Variants in NXPE4 observed in about 807,000 individuals in gnomAD.
NXPE4 encodes the protein neurexophilin and PC-esterase domain family member 4, also known as NXPE family member 4.
Under a neutral mutation model 33.3 loss-of-function variants are expected in NXPE4, and 42 were observed. The ratio of observed to expected loss-of-function variants is 1.26; its 90% CI spans 0.98 to 1.63. NXPE4 has a LOEUF of 1.63. Ranked by LOEUF, NXPE4 falls within the 40% of genes most tolerant of loss-of-function variation. The pLI is 0.00. For synonymous variants in NXPE4, 253 were observed against 234.9 expected (o/e 1.08, Z -0.71); for missense variants, 709 against 647.6 (o/e 1.09, Z -1.03).
At chr11:114,671,333 G>A in the NXPE4 span, among the ~76,000 whole-genome samples, 1 of 35,220 alleles carries the variant, frequency 2.8e-5, no homozygotes, top group Admixed American at 4.4e-4. Flanking sequence ...ATGTAATAGA[G>A]GAATTAGGAG....
chr11:114,648,925 TATG>T, the NXPE4 span, among the ~76,000 whole-genome samples: 12 of 143,948 alleles, frequency 8.3e-5, no homozygotes, highest in African/African-American at 2.3e-4. Flanking sequence ...TCTTATGTTA[TATG>T]ATAAGGGGAT....
At chr11:114,600,044 A>G (rs1356331003), upstream of NXPE4, among the ~76,000 whole-genome samples, 1 of 152,224 alleles carries the variant, frequency 6.6e-6, no homozygotes. Context: ...AAGTGAAGGA[A>G]ATACAAAGTG....
intron 1 of NXPE4, 65 bp from the exon 2 acceptor site, chr11:114,594,834 G>C (rs1397162834): frequency 1.2e-6 from 1 of 863,952 alleles, no homozygotes; most frequent in Non-Finnish European, 1.8e-6. Flanking sequence ...AAACAAACAT[G>C]GGAAACATTT....
rs1785426033 is a variant in NXPE4 at position 114,570,685 on chromosome 11, T to C, written c.*253A>G. On this transcript the variant is annotated 3_prime_UTR_variant, in exon 6 of 6. Transcript: ENST00000375478. Reference sequence around the variant, plus strand: ...TACCCATAGGTGTCTTGACTTCCCATTGGTGAAGAGGGGTATGGCTCTGAT... The same window carrying C: ...TACCCATAGGTGTCTTGACTTCCCACTGGTGAAGAGGGGTATGGCTCTGAT... 1 of 286,968 alleles carries C rather than the reference T, an allele frequency of 3.5e-6. No individual in the cohort carries two copies. The highest frequency in any genetic ancestry group is 6.4e-6 in the Non-Finnish European group (1 of 156,176). The allele number at this position is 286,968 out of a possible 1,614,324, so 17.8% of individuals were successfully genotyped here.
chr11:114,635,454 A>T, the NXPE4 span, among the ~76,000 whole-genome samples: 1 of 151,614 alleles, frequency 6.6e-6, no homozygotes, highest in Non-Finnish European at 1.5e-5. Context: ...AATACCCTTT[A>T]TTTCCTTCTC....
chr11:114,646,874 C>A, the NXPE4 span, among the ~76,000 whole-genome samples: 1 of 152,070 alleles, frequency 6.6e-6, no homozygotes, highest in Non-Finnish European at 1.5e-5. Flanking sequence ...AAAAACAGAG[C>A]AAAGGAACTT....
the NXPE4 span, among the ~76,000 whole-genome samples, chr11:114,617,451 T>A: frequency 6.6e-6 from 1 of 152,092 alleles, no homozygotes; most frequent in Non-Finnish European, 1.5e-5. Context: ...GCCTCGTGGA[T>A]AACCACTGTT....
the NXPE4 span, among the ~76,000 whole-genome samples, chr11:114,677,190 G>A: frequency 6.6e-6 from 1 of 152,040 alleles, no homozygotes; most frequent in Admixed American, 6.6e-5. Context: ...ATAAGTTCTA[G>A]AGATTTATTG....
chr11:114,613,406 G>GCC, the NXPE4 span, among the ~76,000 whole-genome samples: 1 of 147,280 alleles, frequency 6.8e-6, no homozygotes, highest in Non-Finnish European at 1.5e-5. Context: ...GGGTGGGTAA[G>GCC]CACTGTTACC....
the NXPE4 span, among the ~76,000 whole-genome samples, chr11:114,621,418 A>T: frequency 6.6e-6 from 1 of 152,128 alleles, no homozygotes; most frequent in African/African-American, 2.4e-5. Flanking sequence ...CCCTGTGGAT[A>T]ATAAGTATTG....
chr11:114,630,413 G>T, the NXPE4 span, among the ~76,000 whole-genome samples: 23 of 151,880 alleles, frequency 1.5e-4, no homozygotes, highest in Admixed American at 1.4e-3. Context: ...AGAAAAACAA[G>T]CAATGGGGAA....
At chr11:114,621,002 G>C in the NXPE4 span, among the ~76,000 whole-genome samples, 1 of 151,526 alleles carries the variant, frequency 6.6e-6, no homozygotes, top group Admixed American at 6.6e-5. Context: ...CTGGATAATA[G>C]GTGTTGTCTC....
the NXPE4 span, among the ~76,000 whole-genome samples, chr11:114,669,668 G>C: frequency 6.6e-6 from 1 of 152,042 alleles, no homozygotes; most frequent in Non-Finnish European, 1.5e-5. Context: ...TTCAGTTCTG[G>C]AGCAATGGCA....
the NXPE4 span, among the ~76,000 whole-genome samples, chr11:114,659,358 T>C: frequency 7.2e-5 from 11 of 151,852 alleles, no homozygotes; most frequent in Non-Finnish European, 1.5e-4. Context: ...TTGATGGCCT[T>C]ATCAGAAGAG....
chr11:114,604,440 G>T, the NXPE4 span, among the ~76,000 whole-genome samples: 1 of 152,046 alleles, frequency 6.6e-6, no homozygotes, highest in African/African-American at 2.4e-5. Flanking sequence ...ATTGTTACCC[G>T]GTGGACACTA....
the NXPE4 span, among the ~76,000 whole-genome samples, chr11:114,632,295 C>T: frequency 7.5e-6 from 1 of 133,756 alleles, no homozygotes; most frequent in African/African-American, 2.7e-5. Context: ...TGTATATTAT[C>T]CACCACCACC....
At chr11:114,574,671 C>G (rs1948959025) in intron 5 of NXPE4, among the ~76,000 whole-genome samples, 1 of 151,996 alleles carries the variant, frequency 6.6e-6, no homozygotes. Flanking sequence ...CTGAACAGAC[C>G]AGTAACAAAC....
At chr11:114,639,785 A>AAT in the NXPE4 span, among the ~76,000 whole-genome samples, 1 of 126,676 alleles carries the variant, frequency 7.9e-6, no homozygotes, top group South Asian at 2.2e-4. Flanking sequence ...TATAAAATAT[A>AAT]ATATATATTA....
chr11:114,580,353 A>G lies in NXPE4; in HGVS notation c.893-15T>C, dbSNP rs779692928. 2.8e-5 allele frequency: 45 copies of G among 1,608,468 alleles called. 2 individuals carry two copies. In the South Asian group the frequency reaches 4.1e-4, roughly 15 times the overall value. On this transcript the variant is annotated splice_polypyrimidine_tract_variant and intron_variant, in intron 4 of 5. Coordinates refer to ENST00000375478, the MANE Select transcript of NXPE4 (RefSeq NM_001077639.2). The stretch of plus-strand genomic sequence containing the variant: ...AACTGTTTCTTCTGCCAAAGAATCA[A>G]TGAGATAGGATCTTCCAAAACATCA...
Sources: allele counts gnomAD v4.1 joint callset (sites outside exome capture counted in the v4.1 genomes callset), GRCh38; gene constraint gnomAD v4.1.1; transcripts MANE v1.5; gene names NCBI Gene and HGNC (gene_info 2026-07-23, HGNC 2026-07-21).